PBX3: variants seen among roughly 807,000 people sequenced by gnomAD.
PBX3 encodes the protein pre-B-cell leukemia transcription factor 3.
A neutral mutation model predicts 48.5 loss-of-function variants in PBX3; 14 were observed. That is an observed-to-expected ratio of 0.29 (90% confidence interval 0.19 to 0.45). PBX3 has a LOEUF of 0.45. Among genes scored for constraint, PBX3 ranks in the 20% least tolerant of loss-of-function variants. The pLI, the probability that PBX3 is intolerant of heterozygous loss-of-function variation, is 1.00. For missense variants in PBX3, 386 were observed against 546.7 expected (o/e 0.71, Z 2.93); for synonymous variants, 210 against 200.3 (o/e 1.05, Z -0.41).
intron 7 of PBX3, 39 bp downstream of exon 7, chr9:125,962,253 A>G: frequency 8.2e-7 from 1 of 1,224,480 alleles, no homozygotes; most frequent in South Asian, 1.2e-5. Context: ...CTAGCAGGGT[A>G]GGGTTTGGGC....
chr9:125,963,544 A>G (rs968393495), intron 8 of PBX3, among the ~76,000 whole-genome samples: 5 of 152,232 alleles, frequency 3.3e-5, no homozygotes, highest in African/African-American at 4.8e-5. Flanking sequence ...TGTATTGTCA[A>G]TGTGGGATGC....
intron 5 of PBX3, among the ~76,000 whole-genome samples, chr9:125,955,339 A>G (rs1842282586): frequency 6.6e-6 from 1 of 152,122 alleles, no homozygotes; most frequent in African/African-American, 2.4e-5. Flanking sequence ...GCTCCTCCCC[A>G]GGTACCAATG....
At chr9:125,764,633 G>C (rs749591671) in intron 2 of PBX3, among the ~76,000 whole-genome samples, 1 of 152,178 alleles carries the variant, frequency 6.6e-6, no homozygotes, top group Non-Finnish European at 1.5e-5. Flanking sequence ...TCAATTTTTA[G>C]TTAGCAATAC....
chr9:125,757,226 AG>A (rs763579708), intron 2 of PBX3, among the ~76,000 whole-genome samples: 1 of 152,000 alleles, frequency 6.6e-6, no homozygotes, highest in Non-Finnish European at 1.5e-5. Context: ...GAATTGACTT[AG>A]GTGGTCTTAC....
At chr9:125,949,845 A>C (rs1036961625) in intron 5 of PBX3, among the ~76,000 whole-genome samples, 1 of 152,130 alleles carries the variant, frequency 6.6e-6, no homozygotes, top group East Asian at 1.9e-4. Context: ...TCAGGACAAA[A>C]AGTCTGGCCC....
intron 2 of PBX3, among the ~76,000 whole-genome samples, chr9:125,894,762 T>C (rs1422801151): frequency 6.6e-6 from 1 of 152,124 alleles, no homozygotes; most frequent in Non-Finnish European, 1.5e-5. Context: ...TGTCTTCTTA[T>C]AGTGTGCTGC....
At chr9:125,934,545 T>C (rs1401897635) in intron 4 of PBX3, among the ~76,000 whole-genome samples, 1 of 152,220 alleles carries the variant, frequency 6.6e-6, no homozygotes, top group African/African-American at 2.4e-5. Flanking sequence ...AAATATGTTG[T>C]TAATAAATGC....
At chr9:125,771,057 G>T (rs957409562) in intron 2 of PBX3, among the ~76,000 whole-genome samples, 2 of 152,150 alleles carry the variant, frequency 1.3e-5, no homozygotes, top group Non-Finnish European at 1.5e-5. Context: ...GGTCAGGCTT[G>T]GGAAGATATA....
rs1319952085 is a variant in PBX3 at position 125,791,279 on chromosome 9, TTATC to T, written c.274+42658_274+42661del. Among the ~76,000 whole-genome samples, 576 of 134,630 alleles carry T rather than the reference TTATC, an allele frequency of 4.3e-3. 4 individuals are homozygous for T. The highest frequency in any genetic ancestry group is 0.015 in the African/African-American group (547 of 36,416). The allele number at this position is 134,630 out of a possible 152,430, so 88.3% of individuals were successfully genotyped here. A position where few individuals can be genotyped will look rare whatever the true frequency, so the allele number is the denominator to read the frequency against. ...TAATAATTGTAGTACACATACATTTTTATCTGTCTGTCTGTCTGTCTGTCTATCT... is the reference window on the plus strand; with the variant it reads ...TAATAATTGTAGTACACATACATTTTTGTCTGTCTGTCTGTCTGTCTATCT... On this transcript the variant is annotated intron_variant, in intron 2 of 8. Coordinates refer to ENST00000373489, the MANE Select transcript of PBX3 (RefSeq NM_006195.6).
At chr9:125,951,901 A>AC (rs1375301408) in intron 5 of PBX3, among the ~76,000 whole-genome samples, 1 of 152,190 alleles carries the variant, frequency 6.6e-6, no homozygotes, top group African/African-American at 2.4e-5. Context: ...ACTGTATCAA[A>AC]CCCATACCTT....
At chr9:125,782,316 GC>G (rs1837342662) in intron 2 of PBX3, among the ~76,000 whole-genome samples, 1 of 151,992 alleles carries the variant, frequency 6.6e-6, no homozygotes, top group Non-Finnish European at 1.5e-5. Flanking sequence ...GGAATGACCT[GC>G]CCCCCATGAT....
chr9:125,830,846 T>G (rs1238737681), intron 2 of PBX3, among the ~76,000 whole-genome samples: 1 of 151,362 alleles, frequency 6.6e-6, no homozygotes, highest in African/African-American at 2.4e-5. Context: ...GTCATTGTGG[T>G]TTTTTTGTTG....
intron 2 of PBX3, among the ~76,000 whole-genome samples, chr9:125,802,177 T>C (rs1045445603): frequency 3.3e-5 from 5 of 152,088 alleles, no homozygotes; most frequent in African/African-American, 1.2e-4. Flanking sequence ...CACAGGTATA[T>C]TGCGTGATGC....
chr9:125,930,434 G>A (rs1841687913), intron 4 of PBX3, among the ~76,000 whole-genome samples: 1 of 152,178 alleles, frequency 6.6e-6, no homozygotes, highest in African/African-American at 2.4e-5. Flanking sequence ...TGTCTACAGT[G>A]ACCTACTGAG....
At chr9:125,855,853 C>T (rs964167342) in intron 2 of PBX3, among the ~76,000 whole-genome samples, 5 of 152,104 alleles carry the variant, frequency 3.3e-5, no homozygotes, top group Admixed American at 6.6e-5. Flanking sequence ...CATTTCAGTA[C>T]AACTGCAGCA....
intron 2 of PBX3, among the ~76,000 whole-genome samples, chr9:125,902,950 T>G (rs956613243): frequency 4.6e-5 from 7 of 151,906 alleles, no homozygotes; most frequent in African/African-American, 1.4e-4. Flanking sequence ...TTCTTTCTGG[T>G]AGAATGAATA....
intron 2 of PBX3, 110 bp downstream of exon 2, chr9:125,748,733 A>C (rs1278569923): frequency 2.7e-6 from 2 of 728,184 alleles, no homozygotes; most frequent in Non-Finnish European, 4.7e-6. Flanking sequence ...GCCATCTTTG[A>C]TCATTCTCTC....
At chr9:125,784,545 C>CTA (rs1204898469) in intron 2 of PBX3, among the ~76,000 whole-genome samples, 2 of 152,164 alleles carry the variant, frequency 1.3e-5, no homozygotes, top group African/African-American at 2.4e-5. Flanking sequence ...TTGCAGTGGA[C>CTA]TATGGCTGTT....
At chr9:125,765,707 G>A (rs958223295) in intron 2 of PBX3, among the ~76,000 whole-genome samples, 41 of 152,032 alleles carry the variant, frequency 2.7e-4, no homozygotes, top group African/African-American at 9.9e-4. Flanking sequence ...CTTGGGTCTT[G>A]TACTACCATT....
Sources: gnomAD v4.1 joint callset for allele counts (sites outside exome capture counted in the v4.1 genomes callset) on GRCh38, gnomAD v4.1.1 for gene constraint, MANE v1.5 for transcripts, NCBI Gene and HGNC (gene_info 2026-07-23, HGNC 2026-07-21) for gene names.